The following MYEF2 variants were observed in gnomAD, a reference collection of about 807,000 sequenced individuals.
The protein encoded by MYEF2 is myelin expression factor 2, also known as myelin gene expression factor 2.
Under a neutral mutation model 75.2 loss-of-function variants are expected in MYEF2, and 37 were observed. That is an observed-to-expected ratio of 0.49 (90% CI 0.38 to 0.65). The LOEUF is 0.65. Ranked by LOEUF, MYEF2 falls within the 30% of genes least tolerant of loss-of-function variation. The pLI is 0.00. For synonymous variants in MYEF2, 195 were observed against 241.6 expected, an observed-to-expected ratio of 0.81 and a Z score of 1.79; for missense variants, 634 against 771.4, an observed-to-expected ratio of 0.82 and a Z score of 2.11.
intron 9 of MYEF2, among the ~76,000 whole-genome samples, chr15:48,155,317 A>C (rs1384760539): frequency 1.3e-5 from 2 of 152,130 alleles, no homozygotes; most frequent in African/African-American, 4.8e-5. Context: ...TCACCCAATA[A>C]AATTTTTAAT....
chr15:48,157,050 T>C (rs902218751), intron 9 of MYEF2: 2 of 152,112 alleles, frequency 1.3e-5, no homozygotes, highest in Non-Finnish European at 1.5e-5. Context: ...GATAACTATA[T>C]GAGTAATTTT....
intron 16 of MYEF2, among the ~76,000 whole-genome samples, chr15:48,147,165 A>C (rs1009658473): frequency 6.6e-6 from 1 of 152,084 alleles, no homozygotes; most frequent in African/African-American, 2.4e-5. Context: ...TTTTCTATGT[A>C]GATTTGAATG....
In MYEF2 at chr15:48,136,309, A is replaced by G. The variant is rs2038898112; in HGVS notation, c.*6599T>C. On this transcript the variant is annotated 3_prime_UTR_variant, in exon 17 of 17. Coordinates refer to ENST00000324324, the MANE Select transcript of MYEF2 (RefSeq NM_016132.5). ...AATTATTATGTATGTTGGGGAATGTATTATGCCAATGAGCTGAGGCAGAAA... is the reference window on the plus strand; with the variant it reads ...AATTATTATGTATGTTGGGGAATGTGTTATGCCAATGAGCTGAGGCAGAAA... 1.2e-5 allele frequency: 2 copies of G among 161,140 alleles called. No homozygotes were observed. The highest frequency in any genetic ancestry group is 6.4e-5 in the Admixed American group (1 of 15,588). 10.0% of individuals were successfully genotyped at this position (161,140 alleles called of 1,614,324 possible).
chr15:48,146,250 G>C (rs1597289957), intron 16 of MYEF2, among the ~76,000 whole-genome samples: 1 of 151,890 alleles, frequency 6.6e-6, no homozygotes, highest in Non-Finnish European at 1.5e-5. Context: ...TACTAAATAG[G>C]TTAATTTATT....
intron 10 of MYEF2, 85 bp downstream of exon 10, chr15:48,153,707 A>C: frequency 9.2e-7 from 1 of 1,091,042 alleles, no homozygotes; most frequent in Middle Eastern, 2.0e-4. Flanking sequence ...AGTCCTTTAA[A>C]CATTATTACA....
In MYEF2 at chr15:48,140,148, T is replaced by A. The variant is rs2039017197; in HGVS notation, c.*2760A>T. 6.6e-6 allele frequency: 1 copy of A among 151,880 alleles called. No homozygotes were observed. The highest frequency in any genetic ancestry group is 2.4e-5 in the African/African-American group (1 of 41,332). The allele number at this position is 151,880 out of a possible 1,614,324, so 9.4% of individuals were successfully genotyped here. A position where few individuals can be genotyped will look rare whatever the true frequency, so the allele number is the denominator to read the frequency against. On this transcript the variant is annotated 3_prime_UTR_variant, in exon 17 of 17. Transcript: ENST00000324324. ...AGCTTGCATATTATATCTATCCAAA[T>A]TCACTCAGCCAGAACACATTTGATA...
chr15:48,151,722 T>C, intron 12 of MYEF2, 151 bp from the exon 13 acceptor site: 1 of 1,132,292 alleles, frequency 8.8e-7, no homozygotes. Flanking sequence ...GCCACACATA[T>C]CATCCCCATT....
In MYEF2 at chr15:48,149,055, A is replaced by G; in HGVS notation, c.1616T>C (p.Leu539Pro). ...ACCACACTGACTGAATTTCTCTTTTAGTTTCTGCCAAGTCAAGTCAAAAGG... is the reference window on the plus strand; with the variant it reads ...ACCACACTGACTGAATTTCTCTTTTGGTTTCTGCCAAGTCAAGTCAAAAGG... ...NLPFDLTWQKLKEKFSQCGHV... is the reference protein window; with the variant it reads ...NLPFDLTWQKPKEKFSQCGHV... Residue 539 changes from leucine (L) to proline (P), a missense_variant, in exon 16 of 17, where the codon CTA becomes CCA. Leu to Pro is a moderately conservative substitution (Grantham distance 98). Coordinates refer to ENST00000324324, the MANE Select transcript of MYEF2 (RefSeq NM_016132.5). This position sits in a 1 kb window ranked among gnomAD's most constrained non-coding sequence, Gnocchi z 4.0. 1 of 1,613,150 alleles carries G rather than the reference A, an allele frequency of 6.2e-7. No homozygotes were observed. Among genetic ancestry groups the G allele is most frequent in the Non-Finnish European group, 8.5e-7 (1 of 1,179,290 alleles).
chr15:48,155,797 CAG>C (rs1491064234), intron 9 of MYEF2, among the ~76,000 whole-genome samples: 1 of 127,308 alleles, frequency 7.9e-6, no homozygotes, highest in Non-Finnish European at 1.6e-5. Flanking sequence ...TTTTTTGAGA[CAG>C]AGTCTCCCTC....
chr15:48,178,117 G>C lies in MYEF2; in HGVS notation c.121C>G (p.Gln41Glu), dbSNP rs1216692605. ...REPHPAEAEK[Q>E]QPQHSSSSNG... ...GAGCTGCTGCTGTGCTGCGGCTGCT[G>C]CTTCTCCGCCTCCGCGGGGTGCGGC... The change falls in exon 1 of 17, where the codon CAG (glutamine) becomes GAG (glutamate). Residue 41 changes from glutamine to glutamate, a missense_variant. Gln to Glu is a conservative substitution (Grantham distance 29). Transcript: ENST00000324324. 1.3e-6 allele frequency: 2 copies of C among 1,595,440 alleles called. No individual in the cohort carries two copies. Among genetic ancestry groups the C allele is most frequent in the Non-Finnish European group, 1.7e-6 (2 of 1,171,868 alleles).
chr15:48,165,887 T>C, intron 5 of MYEF2, 46 bp downstream of exon 5: 2 of 1,342,198 alleles, frequency 1.5e-6, no homozygotes, highest in Non-Finnish European at 1.0e-6. Flanking sequence ...AAGGAAAACA[T>C]GTCTTTATAG....
At chr15:48,157,883 C>T in intron 9 of MYEF2, 110 bp downstream of exon 9, 1 of 1,518,550 alleles carries the variant, frequency 6.6e-7, no homozygotes, top group South Asian at 1.3e-5. Flanking sequence ...CCAAACTAAT[C>T]CCAAATTGTG....
At chr15:48,175,046 T>C (rs912085114) in intron 1 of MYEF2, among the ~76,000 whole-genome samples, 2 of 152,146 alleles carry the variant, frequency 1.3e-5, no homozygotes, top group African/African-American at 4.8e-5. Context: ...TAAGTGTCCA[T>C]TGACAGATAA....
At chr15:48,155,833 G>A (rs1398310926) in intron 9 of MYEF2, among the ~76,000 whole-genome samples, 3 of 150,974 alleles carry the variant, frequency 2.0e-5, no homozygotes, top group Non-Finnish European at 3.0e-5. Flanking sequence ...GGAGTGCAGG[G>A]GCACGATCTC....
chr15:48,158,793 C>G lies in MYEF2; in HGVS notation c.847G>C (p.Ala283Pro). ...RGMGTVTFEQ[A>P]IEAVQAISMF... ...CAAATTGCTTGAACTGCTTCAATTG[C>G]TTGCTCAAAAGTGACAGTGCCCATT... is the stretch of plus-strand genomic sequence containing the variant. The change falls in exon 7 of 17, where the codon GCA becomes CCA. Residue 283 changes from alanine (A) to proline (P), a missense_variant. Coordinates refer to ENST00000324324, the MANE Select transcript of MYEF2 (RefSeq NM_016132.5). 1 of 1,613,644 alleles carries G rather than the reference C, an allele frequency of 6.2e-7. No homozygotes were observed. The highest frequency in any genetic ancestry group is 8.5e-7 in the Non-Finnish European group (1 of 1,179,690).
At chr15:48,172,720 T>C (rs2040386250) in intron 1 of MYEF2, among the ~76,000 whole-genome samples, 1 of 151,942 alleles carries the variant, frequency 6.6e-6, no homozygotes, top group Non-Finnish European at 1.5e-5. Flanking sequence ...CAGAGAATCA[T>C]AAGAAACTAC....
chr15:48,151,334 A>T, intron 13 of MYEF2, 139 bp downstream of exon 13: 1 of 1,011,878 alleles, frequency 9.9e-7, no homozygotes, highest in Non-Finnish European at 1.5e-6. Flanking sequence ...CTAGCATATT[A>T]AAATCCTTAA....
Position 48,137,319 on chromosome 15 carries a change from G to A in MYEF2, c.*5589C>T, listed in dbSNP as rs1207066093. The stretch of plus-strand genomic sequence containing the variant: ...GACTTTAACTAATGACATATGTTAT[G>A]ACCAATAAGTAGCAGCTACTGAGGT... On this transcript the variant is annotated 3_prime_UTR_variant, in exon 17 of 17. Coordinates refer to ENST00000324324, the MANE Select transcript of MYEF2 (RefSeq NM_016132.5). The A allele has an allele frequency of 2.1e-5, 4 of 192,248 alleles. No homozygotes were observed. Among genetic ancestry groups the A allele is most frequent in the Non-Finnish European group, 4.2e-5 (4 of 94,400 alleles). 11.9% of individuals were successfully genotyped at this position (192,248 alleles called of 1,614,324 possible). A position where few individuals can be genotyped will look rare whatever the true frequency, so the allele number is the denominator to read the frequency against.
Position 48,178,294 on chromosome 15 carries a change from A to G in MYEF2, c.-57T>C, listed in dbSNP as rs952158438. 2 of 1,350,434 alleles carry G rather than the reference A, an allele frequency of 1.5e-6. No homozygotes were observed. Among genetic ancestry groups the G allele is most frequent in the African/African-American group, 3.1e-5 (2 of 64,810 alleles). The allele number at this position is 1,350,434 out of a possible 1,614,324, so 83.7% of individuals were successfully genotyped here. On this transcript the variant is annotated 5_prime_UTR_variant, in exon 1 of 17. Coordinates refer to ENST00000324324, the MANE Select transcript of MYEF2 (RefSeq NM_016132.5). Reference sequence around the variant, plus strand: ...GAGCTGAGGGGCTCCGAGCGCGACAATGGCGGCTGCCGGGGAAGCGGTAAC... The same window carrying G: ...GAGCTGAGGGGCTCCGAGCGCGACAGTGGCGGCTGCCGGGGAAGCGGTAAC...
Sources: gnomAD v4.1 joint callset for allele counts (sites outside exome capture counted in the v4.1 genomes callset) on GRCh38, gnomAD v4.1.1 for gene constraint, Gnocchi (gnomAD v3.1) non-coding constraint, MANE v1.5 for transcripts, NCBI Gene and HGNC (gene_info 2026-07-23, HGNC 2026-07-21) for gene names.